The following CLTB variants were observed in gnomAD, a reference collection of about 807,000 sequenced individuals.
CLTB encodes clathrin, light chain (Lcb).
In CLTB, 10 loss-of-function variants were observed where a neutral mutation model predicts 30.5. That is an observed-to-expected ratio of 0.33 (90% CI 0.20 to 0.56). CLTB has a LOEUF of 0.56. Ranked by LOEUF, CLTB falls within the 20% of genes least tolerant of loss-of-function variation. The probability of loss-of-function intolerance (pLI) is 0.91; values close to 1 mark genes in which losing one functional copy is unlikely to be tolerated. For synonymous variants in CLTB, 102 were observed against 120.3 expected (o/e 0.85, Z 1.00); for missense variants, 261 against 308.3 (o/e 0.85, Z 1.15).
Position 176,397,659 on chromosome 5 carries a change from C to A in CLTB, c.412G>T (p.Glu138Ter), listed in dbSNP as rs779460557. 1 of 1,613,282 alleles carries A rather than the reference C, an allele frequency of 6.2e-7. No homozygotes were observed. The highest frequency in any genetic ancestry group is 8.5e-7 in the Non-Finnish European group (1 of 1,179,726). The change falls in exon 4 of 6, where the codon GAG becomes TAG. Residue 138 changes from glutamate (E) to a stop codon, truncating the protein, a stop_gained. Coordinates refer to ENST00000310418, the MANE Select transcript of CLTB (RefSeq NM_007097.5). LOFTEE classifies it high-confidence loss of function. The stretch of plus-strand genomic sequence containing the variant: ...TGTTCACTCTGGCGCTGGTTCCACT[C>A]CTCCAGGTCCTTCTTGGCCTTCTCC... ...WREKAKKDLEEWNQRQSEQVE... is the reference protein window; with the variant it reads ...WREKAKKDLE
Position 176,411,904 on chromosome 5 carries a change from T to C in CLTB, c.188-1601A>G, listed in dbSNP as rs148689664. On this transcript the variant is annotated intron_variant, in intron 1 of 5. Coordinates refer to ENST00000310418, the MANE Select transcript of CLTB (RefSeq NM_007097.5). ...AAAGAATGCTTTTTTGGGCCGGGCG[T>C]GGTGGCTTATGCCTGTAATCCCAGC... Among the ~76,000 whole-genome samples the C allele has an allele frequency of 5.3e-3, 804 of 152,160 alleles. 2 individuals carry two copies. The highest frequency in any genetic ancestry group is 0.017 in the African/African-American group (714 of 41,520).
At chr5:176,398,475 G>A (rs1162368568) in intron 2 of CLTB, among the ~76,000 whole-genome samples, 1 of 152,116 alleles carries the variant, frequency 6.6e-6, no homozygotes. Context: ...ACTTTGGGAG[G>A]CCGAGGCGGC....
At chr5:176,413,394 T>C (rs745391554) in intron 1 of CLTB, among the ~76,000 whole-genome samples, 8 of 152,164 alleles carry the variant, frequency 5.3e-5, no homozygotes, top group Middle Eastern at 3.4e-3. Context: ...GAAAACTGGG[T>C]GTGAAAATGG....
At chr5:176,401,759 C>T (rs544435222) in intron 2 of CLTB, 8 of 456,080 alleles carry the variant, frequency 1.8e-5, no homozygotes, top group South Asian at 4.6e-5. Context: ...ATGAAAACAG[C>T]GACACTGAAC....
intron 2 of CLTB, chr5:176,406,632 G>T: frequency 7.8e-7 from 1 of 1,289,444 alleles, no homozygotes; most frequent in Non-Finnish European, 1.0e-6. Context: ...AATGGAACTG[G>T]AATAGTTGTG....
chr5:176,401,967 C>G (rs1044200988), intron 2 of CLTB: 7 of 338,698 alleles, frequency 2.1e-5, no homozygotes, highest in Non-Finnish European at 3.5e-5. Context: ...CCCGAATGAC[C>G]TATTCGGAGT....
intron 2 of CLTB, among the ~76,000 whole-genome samples, chr5:176,409,406 C>CTTT (rs34831947): frequency 3.1e-4 from 25 of 79,642 alleles, no homozygotes; most frequent in Admixed American, 4.8e-4. Flanking sequence ...TCTGATTGCC[C>CTTT]TTTTTTTTTT....
At chr5:176,395,299 T>A (rs1357150511) in intron 5 of CLTB, among the ~76,000 whole-genome samples, 2 of 152,090 alleles carry the variant, frequency 1.3e-5, no homozygotes, top group Non-Finnish European at 2.9e-5. Flanking sequence ...AGGCAGAGAG[T>A]GGCTTCCAGA....
chr5:176,415,293 C>G (rs1294217166), intron 1 of CLTB, among the ~76,000 whole-genome samples: 3 of 152,172 alleles, frequency 2.0e-5, no homozygotes, highest in Non-Finnish European at 4.4e-5. Flanking sequence ...CTGACTGATG[C>G]CTCTTTGTGG....
chr5:176,396,366 A>G, intron 5 of CLTB, 113 bp downstream of exon 5: 1 of 986,330 alleles, frequency 1.0e-6, no homozygotes. Flanking sequence ...TGTTCTGACC[A>G]TTGCTCCGAG....
intron 5 of CLTB, 102 bp downstream of exon 5, chr5:176,396,377 C>T (rs1756520115): frequency 9.2e-7 from 1 of 1,090,450 alleles, no homozygotes; most frequent in Non-Finnish European, 1.4e-6. Flanking sequence ...TTGCTCCGAG[C>T]CCAGCCACAC....
Position 176,393,087 on chromosome 5 carries a change from C to A in CLTB, c.519-142G>T, listed in dbSNP as rs960513793. The stretch of plus-strand genomic sequence containing the variant: ...CCCCCCTGACTTCAGAGGAGGGCAG[C>A]CTTGGCGCAGGAGGAAGCCTAGCTT... On this transcript the variant is annotated intron_variant, in intron 5 of 5. Transcript: ENST00000310418. The surrounding 1 kb of genome is among the most constrained non-coding windows in gnomAD (Gnocchi z 4.4). 1 of 901,560 alleles carries A rather than the reference C, an allele frequency of 1.1e-6. No individual in the cohort carries two copies. Among genetic ancestry groups the A allele is most frequent in the Non-Finnish European group, 1.7e-6 (1 of 573,668 alleles). 55.8% of individuals were successfully genotyped at this position (901,560 alleles called of 1,614,324 possible). A position where few individuals can be genotyped will look rare whatever the true frequency, so the allele number is the denominator to read the frequency against.
At chr5:176,400,413 C>T (rs935912105) in intron 2 of CLTB, among the ~76,000 whole-genome samples, 2 of 152,254 alleles carry the variant, frequency 1.3e-5, no homozygotes, top group South Asian at 2.1e-4. Context: ...CATGGCACAA[C>T]GTAGTGGCAG....
chr5:176,410,217 C>T (rs752314670), intron 2 of CLTB, 40 bp downstream of exon 2: 4 of 1,582,282 alleles, frequency 2.5e-6, no homozygotes, highest in South Asian at 1.1e-5. Flanking sequence ...GAGACCAGGG[C>T]TGTTGGTCCT....
At chr5:176,401,959 C>T (rs564503614) in intron 2 of CLTB, 5 of 339,426 alleles carry the variant, frequency 1.5e-5, no homozygotes, top group East Asian at 8.0e-5. Flanking sequence ...ACAAAATGCC[C>T]GAATGACCTA....
At chr5:176,411,887 C>CT (rs905386334) in intron 1 of CLTB, among the ~76,000 whole-genome samples, 1 of 152,040 alleles carries the variant, frequency 6.6e-6, no homozygotes, top group African/African-American at 2.4e-5. Context: ...CTAAAGAATG[C>CT]TTTTTTGGGC....
intron 1 of CLTB, among the ~76,000 whole-genome samples, chr5:176,412,889 C>T (rs1250768502): frequency 6.6e-6 from 1 of 152,138 alleles, no homozygotes. Context: ...CAGGGCCTCA[C>T]GTTACCAGGG....
At chr5:176,406,063 G>A (rs963076378) in intron 2 of CLTB, 6 of 744,008 alleles carry the variant, frequency 8.1e-6, no homozygotes, top group Admixed American at 6.3e-5. Context: ...CATTATTTCC[G>A]GGCTGCTCAG....
chr5:176,397,296 GT>G (rs1412153132), intron 4 of CLTB, among the ~76,000 whole-genome samples: 3 of 151,478 alleles, frequency 2.0e-5, no homozygotes, highest in African/African-American at 7.3e-5. Context: ...GTTCAGTCAT[GT>G]CCCCACAGCC....
Sources: allele counts gnomAD v4.1 joint callset (sites outside exome capture counted in the v4.1 genomes callset), GRCh38; gene constraint gnomAD v4.1.1; non-coding constraint Gnocchi (gnomAD v3.1); transcripts MANE v1.5; gene names NCBI Gene and HGNC (gene_info 2026-07-23, HGNC 2026-07-21).